The following SLC36A1 variants were observed in gnomAD, a reference collection of about 807,000 sequenced individuals.
SLC36A1 encodes the protein solute carrier family 36 member 1.
Under a neutral mutation model 47.5 loss-of-function variants are expected in SLC36A1, and 30 were observed. The ratio of observed to expected loss-of-function variants is 0.63; its 90% CI spans 0.47 to 0.86. SLC36A1 has a LOEUF of 0.86. Among genes scored for constraint, SLC36A1 ranks in the 40% least tolerant of loss-of-function variants. The probability of loss-of-function intolerance (pLI) is 0.00; values close to 1 mark genes in which losing one functional copy is unlikely to be tolerated. For missense variants in SLC36A1, 517 were observed against 606.0 expected (o/e 0.85, Z 1.54); for synonymous variants, 255 against 249.7 (o/e 1.02, Z -0.20).
intron 6 of SLC36A1, 38 bp downstream of exon 6, chr5:151,467,321 C>CCAGA: frequency 1.3e-6 from 1 of 770,700 alleles, no homozygotes; most frequent in Non-Finnish European, 1.9e-6. Flanking sequence ...AAAAAAAAAA[C>CCAGA]CAGAGCGAGA....
At chr5:151,531,174 G>C in the SLC36A1 span, among the ~76,000 whole-genome samples, 1 of 152,160 alleles carries the variant, frequency 6.6e-6, no homozygotes, top group East Asian at 1.9e-4. The surrounding 1 kb of genome is among the most constrained non-coding windows in gnomAD (Gnocchi z 5.7). Context: ...GTGGATGTGG[G>C]GACTCCAGGA....
chr5:151,397,980 T>C, the SLC36A1 span, among the ~76,000 whole-genome samples: 5 of 151,868 alleles, frequency 3.3e-5, no homozygotes, highest in East Asian at 9.7e-4. Context: ...TAGCCAAGCA[T>C]GGTGGCATGT....
the SLC36A1 span, chr5:151,543,572 T>C: frequency 6.2e-7 from 1 of 1,614,080 alleles, no homozygotes; most frequent in African/African-American, 1.3e-5. Flanking sequence ...TTGATGATAG[T>C]ATAATCTATA....
At chr5:151,536,058 A>G in the SLC36A1 span, among the ~76,000 whole-genome samples, 2 of 152,212 alleles carry the variant, frequency 1.3e-5, no homozygotes, top group East Asian at 1.9e-4. Flanking sequence ...AAGTAATTAT[A>G]TAGAGATTTT....
chr5:151,416,546 A>G, the SLC36A1 span, among the ~76,000 whole-genome samples: 3 of 152,246 alleles, frequency 2.0e-5, no homozygotes. Flanking sequence ...TGAGAGCAGT[A>G]TCAAAGAAAT....
chr5:151,355,934 A>G, the SLC36A1 span, among the ~76,000 whole-genome samples: 2 of 152,236 alleles, frequency 1.3e-5, no homozygotes, highest in African/African-American at 4.8e-5. Flanking sequence ...TGAGAATATA[A>G]GTGGACACTT....
At chr5:151,526,561 T>C in the SLC36A1 span, among the ~76,000 whole-genome samples, 1 of 152,250 alleles carries the variant, frequency 6.6e-6, no homozygotes, top group Non-Finnish European at 1.5e-5. Context: ...GGGCAGAAAC[T>C]GATCGTTGCC....
chr5:151,344,647 G>A, the SLC36A1 span, among the ~76,000 whole-genome samples: 9 of 152,318 alleles, frequency 5.9e-5, no homozygotes, highest in East Asian at 1.7e-3. Flanking sequence ...ATATTGGGGA[G>A]CCAAGATTTA....
At chr5:151,531,870 C>G in the SLC36A1 span, 20 of 1,614,148 alleles carry the variant, frequency 1.2e-5, no homozygotes, top group African/African-American at 2.4e-4. This position sits in a 1 kb window ranked among gnomAD's most constrained non-coding sequence, Gnocchi z 5.7. Flanking sequence ...GGGGCCTGAC[C>G]TGCAGCGGCT....
chr5:151,477,787 G>GTAGCT (rs1368807880), intron 9 of SLC36A1, among the ~76,000 whole-genome samples: 6 of 152,166 alleles, frequency 3.9e-5, no homozygotes, highest in Non-Finnish European at 8.8e-5. Context: ...GAGGCAGGTG[G>GTAGCT]TAGCTTGGTG....
the SLC36A1 span, among the ~76,000 whole-genome samples, chr5:151,398,450 A>G: frequency 2.0e-5 from 3 of 152,198 alleles, no homozygotes; most frequent in Non-Finnish European, 4.4e-5. Flanking sequence ...AAAGTATCAT[A>G]TGTATCAGAA....
the SLC36A1 span, chr5:151,554,458 G>A: frequency 2.5e-5 from 40 of 1,614,054 alleles, no homozygotes; most frequent in Admixed American, 3.3e-5. Flanking sequence ...CGCTGTCCTC[G>A]ATACTGTAGG....
At chr5:151,503,261 G>A in the SLC36A1 span, among the ~76,000 whole-genome samples, 12 of 148,066 alleles carry the variant, frequency 8.1e-5, no homozygotes, top group Non-Finnish European at 1.5e-4. Context: ...AGAGTTGTCA[G>A]TTGCAACAAC....
chr5:151,455,341 AT>A (rs5872207), intron 1 of SLC36A1, among the ~76,000 whole-genome samples: 2 of 150,764 alleles, frequency 1.3e-5, no homozygotes, highest in Non-Finnish European at 3.0e-5. Context: ...CCCAAGCAGA[AT>A]TTTTTTTTTC....
At chr5:151,498,588 T>C in the SLC36A1 span, among the ~76,000 whole-genome samples, 1 of 152,164 alleles carries the variant, frequency 6.6e-6, no homozygotes, top group South Asian at 2.1e-4. Context: ...AGTTGATTCC[T>C]TCATTCCTCA....
chr5:151,515,298 G>A, the SLC36A1 span, among the ~76,000 whole-genome samples: 1 of 152,112 alleles, frequency 6.6e-6, no homozygotes, highest in Non-Finnish European at 1.5e-5. Context: ...TCTTCCCCCA[G>A]ACCTGCTAAT....
the SLC36A1 span, among the ~76,000 whole-genome samples, chr5:151,519,632 G>A: frequency 6.6e-6 from 1 of 152,120 alleles, no homozygotes; most frequent in African/African-American, 2.4e-5. Context: ...TGAGATGGTG[G>A]TCATATTCTT....
chr5:151,457,197 G>A (rs1754673813), intron 1 of SLC36A1, among the ~76,000 whole-genome samples: 1 of 152,102 alleles, frequency 6.6e-6, no homozygotes, highest in Admixed American at 6.6e-5. Flanking sequence ...GTTGTTTTCA[G>A]ATTCTGACAG....
chr5:151,543,439 C>G, the SLC36A1 span: 4 of 1,614,154 alleles, frequency 2.5e-6, no homozygotes, highest in Non-Finnish European at 3.4e-6. Flanking sequence ...TACTCTTCCT[C>G]CTCCATCCCG....
Sources: allele counts gnomAD v4.1 joint callset (sites outside exome capture counted in the v4.1 genomes callset), GRCh38; gene constraint gnomAD v4.1.1; non-coding constraint Gnocchi (gnomAD v3.1); transcripts MANE v1.5; gene names NCBI Gene and HGNC (gene_info 2026-07-23, HGNC 2026-07-21).